RETREG1: variants seen among roughly 807,000 people sequenced by gnomAD.
RETREG1 encodes family with sequence similarity 134 member B.
Under a neutral mutation model 54.8 loss-of-function variants are expected in RETREG1, and 44 were observed. The ratio of observed to expected loss-of-function variants is 0.80; its 90% confidence interval spans 0.63 to 1.03. RETREG1 has a LOEUF of 1.03. Ranked by LOEUF, RETREG1 falls within the 50% of genes least tolerant of loss-of-function variation. The pLI, the probability that RETREG1 is intolerant of heterozygous loss-of-function variation, is 0.00. For synonymous variants in RETREG1, 217 were observed against 238.5 expected (o/e 0.91, Z 0.83); for missense variants, 554 against 605.1 (o/e 0.92, Z 0.89).
intron 2 of RETREG1, 68 bp downstream of exon 2, chr5:16,571,928 A>T: frequency 8.3e-7 from 1 of 1,201,842 alleles, no homozygotes; most frequent in Non-Finnish European, 1.2e-6. Context: ...TAATATGCCT[A>T]CACAAAGATC....
At chr5:16,534,096 C>CA (rs1000768787) in intron 3 of RETREG1, among the ~76,000 whole-genome samples, 2,950 of 129,836 alleles carry the variant, frequency 0.023, 63 homozygotes, top group African/African-American at 0.065. Flanking sequence ...TCTGAGAAAC[C>CA]AAAAAAAAAA....
intron 1 of RETREG1, among the ~76,000 whole-genome samples, chr5:16,582,782 G>C (rs1579706557): frequency 6.6e-6 from 1 of 152,254 alleles, no homozygotes; most frequent in Admixed American, 6.5e-5. Context: ...AAATTAGTCT[G>C]CACTGGCCGC....
intron 5 of RETREG1, among the ~76,000 whole-genome samples, chr5:16,479,986 A>T (rs1004699956): frequency 1.3e-5 from 2 of 152,100 alleles, no homozygotes; most frequent in Admixed American, 1.3e-4. Flanking sequence ...ATTGATGTAT[A>T]ATAAAATACA....
At chr5:16,539,955 G>C (rs1200149835) in intron 3 of RETREG1, among the ~76,000 whole-genome samples, 1 of 152,146 alleles carries the variant, frequency 6.6e-6, no homozygotes, top group Non-Finnish European at 1.5e-5. Flanking sequence ...GAACAGATAA[G>C]AATTCCTCCT....
At chr5:16,598,016 C>T (rs1464166906) in intron 1 of RETREG1, among the ~76,000 whole-genome samples, 1 of 152,066 alleles carries the variant, frequency 6.6e-6, no homozygotes, top group African/African-American at 2.4e-5. Flanking sequence ...CAGTTCCAGG[C>T]TCTTCACCGT....
At chr5:16,481,238 T>C (rs1333446722) in intron 4 of RETREG1, 145 bp from the exon 5 acceptor site, 1 of 671,158 alleles carries the variant, frequency 1.5e-6, no homozygotes, top group African/African-American at 1.8e-5. Context: ...AGAGCATTAT[T>C]TTGCACTAAG....
intron 1 of RETREG1, among the ~76,000 whole-genome samples, chr5:16,588,780 G>A (rs1742682598): frequency 6.6e-6 from 1 of 152,216 alleles, no homozygotes; most frequent in African/African-American, 2.4e-5. Context: ...CCGTGTCCTG[G>A]CCTACTTAGG....
At chr5:16,526,788 G>C (rs568424630) in intron 3 of RETREG1, among the ~76,000 whole-genome samples, 1 of 152,128 alleles carries the variant, frequency 6.6e-6, no homozygotes, top group Non-Finnish European at 1.5e-5. Flanking sequence ...TATCACCCCC[G>C]TGGTGGTTCT....
intron 3 of RETREG1, among the ~76,000 whole-genome samples, chr5:16,513,372 C>G (rs451093): frequency 0.56 from 84,333 of 151,532 alleles, 24,065 homozygotes; most frequent in Non-Finnish European, 0.63. Flanking sequence ...AAACTCCTTA[C>G]AAAAGGCAAA....
chr5:16,616,946 T>C lies in RETREG1; in HGVS notation c.26A>G (p.His9Arg). 5 of 1,454,876 alleles carry C rather than the reference T, an allele frequency of 3.4e-6. No individual in the cohort carries two copies. The South Asian group carries it at 4.0e-5, about 12-fold the overall frequency. 90.1% of individuals were successfully genotyped at this position (1,454,876 alleles called of 1,614,324 possible). A position where few individuals can be genotyped will look rare whatever the true frequency, so the allele number is the denominator to read the frequency against. Residue 9 changes from histidine to arginine, a missense_variant, in exon 1 of 9, where the codon CAC becomes CGC. This residue lies in a region of RETREG1 where 175 missense variants were observed against 142.1 expected (regional missense o/e 1.23). Coordinates refer to ENST00000306320, the MANE Select transcript of RETREG1 (RefSeq NM_001034850.3). MASPAPPE[H>R]AEEGCPAPAA... ...AGGAGCCGGGCATCCCTCCTCGGCG[T>C]GCTCCGGAGGCGCCGGGCTCGCCAT...
chr5:16,587,941 T>A (rs557410135), intron 1 of RETREG1, among the ~76,000 whole-genome samples: 2 of 152,302 alleles, frequency 1.3e-5, no homozygotes, highest in South Asian at 2.1e-4. Flanking sequence ...CACACCCTAA[T>A]AACCCACTGT....
At chr5:16,532,210 G>T (rs546461372) in intron 3 of RETREG1, among the ~76,000 whole-genome samples, 33 of 152,296 alleles carry the variant, frequency 2.2e-4, no homozygotes, top group African/African-American at 7.9e-4. Flanking sequence ...AAGTCTCATT[G>T]TAACTCAGCT....
chr5:16,543,136 G>A (rs1388615779), intron 3 of RETREG1, among the ~76,000 whole-genome samples: 6 of 152,106 alleles, frequency 3.9e-5, no homozygotes, highest in African/African-American at 1.4e-4. Context: ...ATTACCTTGA[G>A]ATTCTTTCAT....
chr5:16,573,180 CAAAAAAAAAAAA>C (rs11303408), intron 1 of RETREG1, among the ~76,000 whole-genome samples: 2,770 of 45,252 alleles, frequency 0.061, 133 homozygotes, highest in African/African-American at 0.19. Flanking sequence ...GATTCTGTCT[CAAAAAAAAAAAA>C]AAAAAAAAAA....
At chr5:16,574,943 C>T (rs1486849524) in intron 1 of RETREG1, among the ~76,000 whole-genome samples, 7 of 152,158 alleles carry the variant, frequency 4.6e-5, no homozygotes, top group Non-Finnish European at 1.0e-4. Flanking sequence ...CCACCACTTG[C>T]TCTATTTTTG....
intron 3 of RETREG1, among the ~76,000 whole-genome samples, chr5:16,544,560 T>C (rs1438072628): frequency 6.6e-6 from 1 of 152,202 alleles, no homozygotes; most frequent in Non-Finnish European, 1.5e-5. Flanking sequence ...AGGTTTACAT[T>C]TAGGCCCATG....
chr5:16,488,802 A>G (rs983214062), intron 3 of RETREG1, among the ~76,000 whole-genome samples: 3 of 152,160 alleles, frequency 2.0e-5, no homozygotes, highest in South Asian at 4.1e-4. Context: ...AGCAGACCTT[A>G]GGCCGGGCGT....
Position 16,474,818 on chromosome 5 carries a change from T to G in RETREG1, c.1417A>C (p.Thr473Pro). ...LDQIESELGL[T>P]QDQEAEAQQN... is the part of the protein sequence containing the mutation. ...TGTGCTTCTGCTTCCTGGTCTTGTG[T>G]AAGTCCCAATTCACTCTCAATTTGA... The change falls in exon 9 of 9, where the codon ACA (threonine) becomes CCA (proline). Residue 473 changes from threonine (T) to proline (P), a missense_variant. Thr to Pro is a conservative substitution (Grantham distance 38). Transcript: ENST00000306320. 6.2e-7 allele frequency: 1 copy of G among 1,613,972 alleles called. No homozygotes were observed. The highest frequency in any genetic ancestry group is 8.5e-7 in the Non-Finnish European group (1 of 1,179,936).
chr5:16,574,801 G>A (rs146181203), intron 1 of RETREG1, among the ~76,000 whole-genome samples: 9 of 152,282 alleles, frequency 5.9e-5, no homozygotes, highest in Admixed American at 2.6e-4. Context: ...CTACCAAAAG[G>A]GAGTGGTGAA....
Sources: allele counts gnomAD v4.1 joint callset (sites outside exome capture counted in the v4.1 genomes callset), GRCh38; gene constraint gnomAD v4.1.1; regional missense constraint gnomAD v4.1.1; transcripts MANE v1.5; gene names NCBI Gene and HGNC (gene_info 2026-07-23, HGNC 2026-07-21).